The following SHROOM3 variants were observed in gnomAD, a reference collection of about 807,000 sequenced individuals.
SHROOM3 encodes protein Shroom3.
SHROOM3 carries 47 observed loss-of-function variants against 138.6 expected under a neutral mutation model. That is an observed-to-expected ratio of 0.34 (90% CI 0.27 to 0.43). The LOEUF (loss-of-function observed/expected upper bound fraction) is 0.43. Ranked by LOEUF, SHROOM3 falls within the 20% of genes least tolerant of loss-of-function variation. The pLI is 1.00. For missense variants in SHROOM3, 2,491 were observed against 2,596.5 expected (o/e 0.96, Z 0.88); for synonymous variants, 1,062 against 1,063.3 (o/e 1.00, Z 0.02).
chr4:76,511,344 A>G (rs1732333329), intron 1 of SHROOM3, among the ~76,000 whole-genome samples: 1 of 76,964 alleles, frequency 1.3e-5, no homozygotes, highest in Admixed American at 1.5e-4. Context: ...TTATAAAGTA[A>G]AAGATCTAGG....
chr4:76,465,223 T>C (rs1731227470), intron 1 of SHROOM3, among the ~76,000 whole-genome samples: 1 of 152,232 alleles, frequency 6.6e-6, no homozygotes, highest in Admixed American at 6.5e-5. Flanking sequence ...AAAACTGATT[T>C]AAAGTGTGCA....
rs370990023 is a variant in SHROOM3 at position 76,739,950 on chromosome 4, A to G, written c.1777A>G (p.Ser593Gly). Reference protein sequence around the residue: ...PHSNERKSTHSNKPSSHPHSL... With the variant: ...PHSNERKSTHGNKPSSHPHSL... Reference sequence around the variant, plus strand: ...TTCCAATGAGAGAAAGAGCACCCACAGTAACAAACCATCTTCTCATCCCCA... The same window carrying G: ...TTCCAATGAGAGAAAGAGCACCCACGGTAACAAACCATCTTCTCATCCCCA... The change falls in exon 5 of 11, where the codon AGT (serine) becomes GGT (glycine). Residue 593 changes from serine to glycine, a missense_variant. Physicochemically the swap from Ser to Gly is moderately conservative, Grantham distance 56. Coordinates refer to ENST00000296043, the MANE Select transcript of SHROOM3 (RefSeq NM_020859.4). 15 of 1,614,042 alleles carry G rather than the reference A, an allele frequency of 9.3e-6. No homozygotes were observed. In the African/African-American group the frequency reaches 1.9e-4, roughly 20 times the overall value.
chr4:76,443,760 T>C (rs1223501545), intron 1 of SHROOM3, among the ~76,000 whole-genome samples: 1 of 152,244 alleles, frequency 6.6e-6, no homozygotes, highest in Non-Finnish European at 1.5e-5. Context: ...GTGATTCTTT[T>C]CTGCCTTCAG....
rs769627738 is a variant in SHROOM3 at position 76,754,375 on chromosome 4, C to T, written c.3892C>T (p.Arg1298Cys). 6.8e-6 allele frequency: 11 copies of T among 1,614,034 alleles called. No individual in the cohort carries two copies. The highest frequency in any genetic ancestry group is 1.6e-4 in the Middle Eastern group (1 of 6,084). Residue 1298 changes from arginine (R) to cysteine (C), a missense_variant, in exon 7 of 11, where the codon CGT (arginine) becomes TGT (cysteine). Arg to Cys is a radical substitution (Grantham distance 180). Transcript: ENST00000296043. ...GCCGCTCTTCCACCATCTCACCCCT[C>T]GTTGGGGTGGTTCAGGCTGCAAAGC... ...MLPLFHHLTP[R>C]WGGSGCKAIG... is the part of the protein sequence containing the mutation.
At chr4:76,720,697 C>T (rs1054997598) in intron 3 of SHROOM3, among the ~76,000 whole-genome samples, 4 of 150,224 alleles carry the variant, frequency 2.7e-5, no homozygotes, top group East Asian at 4.0e-4. Flanking sequence ...ATTGCAACCT[C>T]GCCTCCCGGA....
chr4:76,694,749 G>A (rs1719670548), intron 2 of SHROOM3, among the ~76,000 whole-genome samples: 1 of 152,182 alleles, frequency 6.6e-6, no homozygotes, highest in African/African-American at 2.4e-5. Flanking sequence ...AATATAACTA[G>A]GCTGGCACCT....
intron 6 of SHROOM3, 34 bp from the exon 7 acceptor site, chr4:76,754,277 G>A (rs764236861): frequency 6.2e-7 from 1 of 1,613,918 alleles, no homozygotes; most frequent in South Asian, 1.1e-5. Flanking sequence ...CCTTTCTTCA[G>A]AGCTGTAACC....
intron 2 of SHROOM3, among the ~76,000 whole-genome samples, chr4:76,564,891 G>C (rs1733667928): frequency 1.3e-5 from 2 of 151,642 alleles, no homozygotes; most frequent in African/African-American, 4.9e-5. Flanking sequence ...GCTGGGTGCG[G>C]TGGCTCATGC....
chr4:76,462,728 T>TCCCTC (rs1731167529), intron 1 of SHROOM3, among the ~76,000 whole-genome samples: 6 of 139,740 alleles, frequency 4.3e-5, no homozygotes, highest in Admixed American at 7.1e-5. Context: ...CCCTCTCCCT[T>TCCCTC]TCCCTCTCCA....
At chr4:76,708,562 A>G (rs527850877) in intron 2 of SHROOM3, among the ~76,000 whole-genome samples, 37 of 152,312 alleles carry the variant, frequency 2.4e-4, no homozygotes, top group Middle Eastern at 3.4e-3. Flanking sequence ...GGTTATACCA[A>G]TGGGTGGTCT....
At chr4:76,447,063 C>T (rs1730822138) in intron 1 of SHROOM3, among the ~76,000 whole-genome samples, 2 of 152,300 alleles carry the variant, frequency 1.3e-5, no homozygotes, top group Non-Finnish European at 2.9e-5. Flanking sequence ...CCCTCAAAGC[C>T]ATTGCTACCT....
intron 6 of SHROOM3, among the ~76,000 whole-genome samples, chr4:76,749,452 T>C (rs963782989): frequency 1.3e-5 from 2 of 152,236 alleles, no homozygotes; most frequent in African/African-American, 4.8e-5. Flanking sequence ...CAAGGTTGAT[T>C]TGGCTAACCA....
At chr4:76,453,958 C>T (rs1730977418) in intron 1 of SHROOM3, among the ~76,000 whole-genome samples, 1 of 152,202 alleles carries the variant, frequency 6.6e-6, no homozygotes, top group Admixed American at 6.5e-5. Context: ...AGTCCAATGT[C>T]ATGAAACTTT....
At chr4:76,547,536 G>A (rs182229963) in intron 1 of SHROOM3, among the ~76,000 whole-genome samples, 39 of 152,278 alleles carry the variant, frequency 2.6e-4, no homozygotes, top group East Asian at 9.6e-4. Flanking sequence ...TGTTCTGGGC[G>A]TCGGGGATAC....
chr4:76,722,896 G>A (rs898977378), intron 3 of SHROOM3, among the ~76,000 whole-genome samples: 7 of 151,914 alleles, frequency 4.6e-5, no homozygotes, highest in African/African-American at 1.7e-4. Context: ...AGGTTGATGG[G>A]TTAGTAAGGG....
chr4:76,442,498 C>T (rs546237919), intron 1 of SHROOM3, among the ~76,000 whole-genome samples: 1 of 151,382 alleles, frequency 6.6e-6, no homozygotes, highest in Non-Finnish European at 1.5e-5. Flanking sequence ...TAAGCTCCAC[C>T]TCCCGGGTTC....
intron 9 of SHROOM3, among the ~76,000 whole-genome samples, chr4:76,762,560 C>T (rs1352411160): frequency 1.3e-5 from 2 of 152,202 alleles, no homozygotes; most frequent in Non-Finnish European, 2.9e-5. Context: ...TTAATGAGGC[C>T]TCCACATCCA....
intron 2 of SHROOM3, among the ~76,000 whole-genome samples, chr4:76,663,959 A>T (rs1362012561): frequency 6.6e-6 from 1 of 152,190 alleles, no homozygotes; most frequent in Non-Finnish European, 1.5e-5. Flanking sequence ...CCCAAGCTGC[A>T]GTTCTGAGAT....
intron 10 of SHROOM3, among the ~76,000 whole-genome samples, chr4:76,773,897 T>A (rs1242721845): frequency 6.6e-6 from 1 of 152,130 alleles, no homozygotes; most frequent in Non-Finnish European, 1.5e-5. Flanking sequence ...ACCACAGTCA[T>A]ACACTAGACT....
Sources: allele counts gnomAD v4.1 joint callset (sites outside exome capture counted in the v4.1 genomes callset), GRCh38; gene constraint gnomAD v4.1.1; transcripts MANE v1.5; gene names NCBI Gene and HGNC (gene_info 2026-07-23, HGNC 2026-07-21).